Variants in CSMD1 observed in about 807,000 individuals in gnomAD.
The protein encoded by CSMD1 is CUB and Sushi multiple domains 1.
Under a neutral mutation model 417.5 loss-of-function variants are expected in CSMD1, and 213 were observed. That is an observed-to-expected ratio of 0.51 (90% CI 0.46 to 0.57). The LOEUF is 0.57. CSMD1 is among the 20% of genes least tolerant of loss of function. The pLI is 0.00. For missense variants in CSMD1, 6,923 were observed against 4,529.7 expected, an observed-to-expected ratio of 1.53 and a Z score of -15.17; for synonymous variants, 2,862 against 1,736.8, an observed-to-expected ratio of 1.65 and a Z score of -16.11.
At chr8:3,073,156 G>C (rs570502027) in intron 49 of CSMD1, among the ~76,000 whole-genome samples, 57 of 152,220 alleles carry the variant, frequency 3.7e-4, no homozygotes, top group East Asian at 1.7e-3. Flanking sequence ...AATAGAGTGA[G>C]GAAAATGACT....
chr8:3,690,029 CT>C (rs1800153891), intron 7 of CSMD1, among the ~76,000 whole-genome samples: 1 of 152,170 alleles, frequency 6.6e-6, no homozygotes, highest in Admixed American at 6.5e-5. Context: ...GGAGTTCTTG[CT>C]TTAGCAAACA....
chr8:4,076,796 T>G (rs994830378), intron 3 of CSMD1, among the ~76,000 whole-genome samples: 3 of 152,168 alleles, frequency 2.0e-5, no homozygotes, highest in Admixed American at 2.0e-4. Context: ...TATCAGAGTA[T>G]ACACCATCAC....
intron 1 of CSMD1, among the ~76,000 whole-genome samples, chr8:4,737,178 C>T (rs996679273): frequency 2.0e-5 from 3 of 152,086 alleles, no homozygotes; most frequent in Admixed American, 2.0e-4. Flanking sequence ...AGATCATGTC[C>T]TCTGCAGGGA....
At chr8:3,251,127 A>G (rs1399125669) in intron 26 of CSMD1, among the ~76,000 whole-genome samples, 2 of 152,070 alleles carry the variant, frequency 1.3e-5, no homozygotes, top group African/African-American at 2.4e-5. Context: ...TTTAGACATG[A>G]AGTCCTTGCC....
At chr8:3,730,289 C>T (rs1012986441) in intron 6 of CSMD1, among the ~76,000 whole-genome samples, 6 of 151,958 alleles carry the variant, frequency 3.9e-5, no homozygotes, top group Non-Finnish European at 8.8e-5. Context: ...ATGCATCATC[C>T]CTGACTCAGC....
chr8:3,229,271 CTAAT>C (rs1347284949), intron 27 of CSMD1, among the ~76,000 whole-genome samples: 4 of 152,104 alleles, frequency 2.6e-5, no homozygotes, highest in Non-Finnish European at 5.9e-5. Context: ...TAAAGAAGTA[CTAAT>C]TAAACTGTGA....
chr8:4,825,086 A>G (rs762942176), intron 1 of CSMD1, among the ~76,000 whole-genome samples: 26 of 152,274 alleles, frequency 1.7e-4, no homozygotes, highest in Non-Finnish European at 2.8e-4. Flanking sequence ...TAAATACTGC[A>G]TACATTTATA....
chr8:4,312,273 G>C lies in CSMD1; in HGVS notation c.415+107680C>G, dbSNP rs71523625. On this transcript the variant is annotated intron_variant, in intron 3 of 69. Transcript: ENST00000635120. ...AATCCTAATTTATTGGCAAACTTTA[G>C]CATTGATGTATACTCATATAGGTAT... Among the ~76,000 whole-genome samples, 1,157 of 151,366 alleles carry C rather than the reference G, an allele frequency of 7.6e-3. 16 individuals are homozygous for C. The highest frequency in any genetic ancestry group is 9.4e-3 in the Non-Finnish European group (642 of 67,956).
chr8:3,839,038 T>TTATATATATAAAA (rs1554455839), intron 5 of CSMD1, among the ~76,000 whole-genome samples: 4 of 128,106 alleles, frequency 3.1e-5, no homozygotes, highest in African/African-American at 5.7e-5. Flanking sequence ...TATATATTTA[T>TTATATATATAAAA]TATATATATA....
At chr8:3,788,639 C>A (rs1445349737) in intron 5 of CSMD1, among the ~76,000 whole-genome samples, 1 of 152,080 alleles carries the variant, frequency 6.6e-6, no homozygotes, top group Non-Finnish European at 1.5e-5. Flanking sequence ...TTACTTGAGC[C>A]CTCTGAGGTA....
At chr8:4,427,648 T>C (rs549327457) in intron 2 of CSMD1, among the ~76,000 whole-genome samples, 2 of 152,308 alleles carry the variant, frequency 1.3e-5, no homozygotes, top group African/African-American at 4.8e-5. Flanking sequence ...ATTATTTTTA[T>C]ACGTTAACTT....
At chr8:3,607,421 A>G (rs1209370531) in intron 8 of CSMD1, among the ~76,000 whole-genome samples, 1 of 152,230 alleles carries the variant, frequency 6.6e-6, no homozygotes, top group Non-Finnish European at 1.5e-5. Context: ...AACAGTAGAA[A>G]GTATACCATT....
chr8:4,726,613 G>C (rs1809472387), intron 1 of CSMD1, among the ~76,000 whole-genome samples: 2 of 152,084 alleles, frequency 1.3e-5, no homozygotes, highest in African/African-American at 4.8e-5. Context: ...TTCTGCAAAA[G>C]ATAGAAACCC....
intron 2 of CSMD1, among the ~76,000 whole-genome samples, chr8:4,594,050 C>T (rs1800130453): frequency 1.3e-5 from 2 of 152,084 alleles, no homozygotes; most frequent in African/African-American, 4.8e-5. Context: ...GAAGAATCAT[C>T]AGTCTCCTCC....
At chr8:3,416,809 C>T (rs1813181725) in intron 12 of CSMD1, among the ~76,000 whole-genome samples, 1 of 152,198 alleles carries the variant, frequency 6.6e-6, no homozygotes, top group Non-Finnish European at 1.5e-5. Context: ...GACCTGTCTC[C>T]ACAAGTAGAT....
chr8:4,393,616 T>C lies in CSMD1; in HGVS notation c.415+26337A>G, dbSNP rs975985271. Among the ~76,000 whole-genome samples the C allele has an allele frequency of 1.1e-4, 16 of 152,264 alleles. No individual in the cohort carries two copies. In the South Asian group the frequency reaches 1.2e-3, roughly 12 times the overall value. On this transcript the variant is annotated intron_variant, in intron 3 of 69. Transcript: ENST00000635120. ...AATTAATGAGTTTGGTAAAGTGTCA[T>C]TGATTAAATTATCAATGTTGAAAAG...
At chr8:3,286,436 C>T (rs1376600522) in intron 25 of CSMD1, among the ~76,000 whole-genome samples, 1 of 152,134 alleles carries the variant, frequency 6.6e-6, no homozygotes, top group African/African-American at 2.4e-5. Flanking sequence ...AGTTTACAGT[C>T]CCACCAAGAG....
intron 3 of CSMD1, among the ~76,000 whole-genome samples, chr8:4,136,708 C>T (rs1000060039): frequency 6.6e-6 from 1 of 152,132 alleles, no homozygotes; most frequent in Non-Finnish European, 1.5e-5. Flanking sequence ...TACGTAACAT[C>T]TTATGTAGCC....
intron 49 of CSMD1, among the ~76,000 whole-genome samples, chr8:3,063,222 T>C (rs1047493583): frequency 3.9e-5 from 6 of 152,188 alleles, no homozygotes; most frequent in African/African-American, 1.4e-4. Flanking sequence ...GGGCATACTC[T>C]GGTAAACTAG....
Sources: allele counts gnomAD v4.1 joint callset (sites outside exome capture counted in the v4.1 genomes callset), GRCh38; gene constraint gnomAD v4.1.1; transcripts MANE v1.5; gene names NCBI Gene and HGNC (gene_info 2026-07-23, HGNC 2026-07-21).